Variants in KATNA1 observed in about 807,000 individuals in gnomAD.
KATNA1 encodes the protein katanin catalytic subunit A1.
Under a neutral mutation model 62.6 loss-of-function variants are expected in KATNA1, and 42 were observed. That is an observed-to-expected ratio of 0.67 (90% confidence interval 0.52 to 0.87). The LOEUF (loss-of-function observed/expected upper bound fraction) is 0.87. Among genes scored for constraint, KATNA1 ranks in the 40% least tolerant of loss-of-function variants. The probability of loss-of-function intolerance (pLI) is 0.00; values close to 1 mark genes in which losing one functional copy is unlikely to be tolerated. For synonymous variants in KATNA1, 186 were observed against 201.9 expected (o/e 0.92, Z 0.67); for missense variants, 498 against 612.5 (o/e 0.81, Z 1.97).
Position 149,613,215 on chromosome 6 carries a change from AAAG to A in KATNA1, c.502-8436_502-8434del, listed in dbSNP as rs1269818316. Among the ~76,000 whole-genome samples, 506 of 142,510 alleles carry A rather than the reference AAAG, an allele frequency of 3.6e-3. 5 individuals carry two copies. Among genetic ancestry groups the A allele is most frequent in the African/African-American group, 0.013 (479 of 37,112 alleles). 93.5% of individuals were successfully genotyped at this position (142,510 alleles called of 152,430 possible). A position where few individuals can be genotyped will look rare whatever the true frequency, so the allele number is the denominator to read the frequency against. ...AAAAAAAAAAAAAAAAAAAAAAAAA[AAAG>A]AACATCTACAAAAACACCTCACCTA... On this transcript the variant is annotated intron_variant, in intron 4 of 10. Coordinates refer to ENST00000367411, the MANE Select transcript of KATNA1 (RefSeq NM_007044.4).
intron 4 of KATNA1, among the ~76,000 whole-genome samples, chr6:149,607,803 C>T (rs1308867053): frequency 1.3e-5 from 2 of 152,226 alleles, no homozygotes; most frequent in East Asian, 1.9e-4. Flanking sequence ...CAGTGGCTCA[C>T]GCCTGTAATC....
chr6:149,604,619 A>G (rs1278803643), intron 5 of KATNA1, 42 bp downstream of exon 5: 2 of 1,607,696 alleles, frequency 1.2e-6, no homozygotes, highest in Non-Finnish European at 1.7e-6. Context: ...CATTCCGAAT[A>G]GCATCACCAG....
intron 1 of KATNA1, among the ~76,000 whole-genome samples, chr6:149,640,761 T>C (rs1460294376): frequency 6.6e-6 from 1 of 152,012 alleles, no homozygotes; most frequent in African/African-American, 2.4e-5. Context: ...GTTGGCCAGG[T>C]TGGTCTCGAT....
At chr6:149,605,286 A>G (rs759084774) in intron 4 of KATNA1, among the ~76,000 whole-genome samples, 2 of 152,232 alleles carry the variant, frequency 1.3e-5, no homozygotes, top group African/African-American at 4.8e-5. Flanking sequence ...AAAGAAAAAT[A>G]AAAATGACCA....
chr6:149,596,239 C>CA (rs1180085995), intron 10 of KATNA1, among the ~76,000 whole-genome samples: 2 of 152,144 alleles, frequency 1.3e-5, no homozygotes, highest in Admixed American at 6.5e-5. Context: ...ACCCTGACTA[C>CA]AAAATGTATG....
intron 7 of KATNA1, 23 bp from the exon 8 acceptor site, chr6:149,598,373 A>G: frequency 6.2e-7 from 1 of 1,609,332 alleles, no homozygotes; most frequent in Non-Finnish European, 8.5e-7. Context: ...ACCATGCAAT[A>G]TCAAGCTATT....
rs556291204 is a variant in KATNA1, at chr6:149,619,948, CTG to C, written c.501+3153_501+3154del. On this transcript the variant is annotated intron_variant, in intron 4 of 10. Transcript: ENST00000367411. ...ATCGACAGATGAATGAATAAAGAAA[CTG>C]TGGCATGCATATACATACATACATA... Among the ~76,000 whole-genome samples the C allele has an allele frequency of 1.6e-3, 227 of 139,144 alleles. 4 individuals carry two copies. Among genetic ancestry groups the C allele is most frequent in the Admixed American group, 0.015 (199 of 12,846 alleles). The allele number at this position is 139,144 out of a possible 152,430, so 91.3% of individuals were successfully genotyped here.
chr6:149,621,116 A>G (rs1156493598), intron 4 of KATNA1, among the ~76,000 whole-genome samples: 1 of 150,060 alleles, frequency 6.7e-6, no homozygotes, highest in Non-Finnish European at 1.5e-5. Context: ...CAGAAATCCT[A>G]TGCCTTCTTT....
intron 3 of KATNA1, among the ~76,000 whole-genome samples, chr6:149,625,765 C>G: frequency 6.6e-6 from 1 of 152,024 alleles, no homozygotes; most frequent in Non-Finnish European, 1.5e-5. Context: ...GAAACCCCGT[C>G]TCTACTAAAA....
At chr6:149,624,351 T>G (rs1309669992) in intron 3 of KATNA1, among the ~76,000 whole-genome samples, 1 of 152,238 alleles carries the variant, frequency 6.6e-6, no homozygotes, top group African/African-American at 2.4e-5. Context: ...GAACAGTTAC[T>G]AGAACTCATG....
chr6:149,617,938 A>AT (rs1779233419), intron 4 of KATNA1, among the ~76,000 whole-genome samples: 3 of 144,422 alleles, frequency 2.1e-5, no homozygotes, highest in South Asian at 2.1e-4. Flanking sequence ...TCTTGTCTCC[A>AT]AAAATAAATA....
intron 10 of KATNA1, among the ~76,000 whole-genome samples, chr6:149,595,591 AAATT>A (rs1562276797): frequency 1.3e-5 from 2 of 152,308 alleles, no homozygotes; most frequent in South Asian, 4.1e-4. Context: ...GTTAACAAGA[AAATT>A]AAATATTTTC....
chr6:149,627,601 TGGAC>T (rs1779666631), intron 3 of KATNA1, among the ~76,000 whole-genome samples: 1 of 150,628 alleles, frequency 6.6e-6, no homozygotes, highest in African/African-American at 2.5e-5. Flanking sequence ...TAGAATTGCC[TGGAC>T]CCAGGAGGTG....
In KATNA1 at chr6:149,623,254, G is replaced by T; in HGVS notation, c.350C>A (p.Ser117Tyr). The T allele has an allele frequency of 6.3e-7, 1 of 1,599,934 alleles. No homozygotes were observed. The highest frequency in any genetic ancestry group is 1.1e-5 in the South Asian group (1 of 87,342). The part of the protein sequence containing the change: ...RPSPGPRKRQ[S>Y]SQYSDPKSHG... ...TGATTTAGGGTCACTGTACTGAGAA[G>T]ATTGGCGTTTTCTAGGTCCTGGTGA... The change falls in exon 4 of 11, where the codon TCT (serine) becomes TAT (tyrosine). Residue 117 changes from serine (S) to tyrosine (Y), a missense_variant. Coordinates refer to ENST00000367411, the MANE Select transcript of KATNA1 (RefSeq NM_007044.4).
At chr6:149,603,190 C>A in intron 6 of KATNA1, 78 bp downstream of exon 6, 4 of 630,836 alleles carry the variant, frequency 6.3e-6, no homozygotes, top group East Asian at 2.8e-5. Flanking sequence ...CCACTTTTCC[C>A]AATATAGATA....
intron 4 of KATNA1, among the ~76,000 whole-genome samples, chr6:149,621,176 T>G (rs982342476): frequency 2.0e-5 from 3 of 148,802 alleles, no homozygotes; most frequent in Non-Finnish European, 1.5e-5. Context: ...CAGGCTGGAG[T>G]GCAGTGGCGC....
chr6:149,604,541 G>T, intron 5 of KATNA1, 120 bp downstream of exon 5: 2 of 1,037,348 alleles, frequency 1.9e-6, no homozygotes, highest in Non-Finnish European at 1.5e-6. Context: ...TCATGCTCAC[G>T]CTGCACATAC....
intron 4 of KATNA1, among the ~76,000 whole-genome samples, chr6:149,617,939 A>AAAATAAATAAATAAATAAAT (rs1333260724): frequency 0.019 from 2,536 of 133,488 alleles, 97 homozygotes; most frequent in African/African-American, 0.055. Context: ...CTTGTCTCCA[A>AAAATAAATAAATAAATAAAT]AAATAAATAA....
chr6:149,616,203 C>T (rs1224778821), intron 4 of KATNA1, among the ~76,000 whole-genome samples: 3 of 152,040 alleles, frequency 2.0e-5, no homozygotes, highest in Non-Finnish European at 2.9e-5. Flanking sequence ...ACTTAAAAAC[C>T]GTTAAAATGG....
Sources: allele counts gnomAD v4.1 joint callset (sites outside exome capture counted in the v4.1 genomes callset), GRCh38; gene constraint gnomAD v4.1.1; transcripts MANE v1.5; gene names NCBI Gene and HGNC (gene_info 2026-07-23, HGNC 2026-07-21).